The following WDR17 variants were observed in gnomAD, a reference collection of about 807,000 sequenced individuals.
WDR17 encodes the protein WD repeat-containing protein 17.
WDR17 carries 143 observed loss-of-function variants against 161.7 expected under a neutral mutation model. The ratio of observed to expected loss-of-function variants is 0.88; its 90% CI spans 0.77 to 1.02. The LOEUF (loss-of-function observed/expected upper bound fraction) is 1.02. WDR17 is among the 50% of genes least tolerant of loss of function. The probability of loss-of-function intolerance (pLI) is 0.00; values close to 1 mark genes in which losing one functional copy is unlikely to be tolerated. For missense variants in WDR17, 1,469 were observed against 1,520.9 expected, an observed-to-expected ratio of 0.97 and a Z score of 0.57; for synonymous variants, 517 against 515.6, an observed-to-expected ratio of 1.00 and a Z score of -0.04.
intron 22 of WDR17, chr4:176,166,027 C>T: frequency 1.7e-6 from 1 of 600,642 alleles, no homozygotes; most frequent in Middle Eastern, 3.2e-4. Flanking sequence ...AATTTTTAAG[C>T]TATAAACAGC....
chr4:176,088,270 A>G (rs1341660566), intron 1 of WDR17, among the ~76,000 whole-genome samples: 3 of 152,204 alleles, frequency 2.0e-5, no homozygotes, highest in Non-Finnish European at 4.4e-5. Context: ...GAAGCACAGT[A>G]TATACTTTGT....
chr4:176,168,927 CAA>C, intron 23 of WDR17, 144 bp downstream of exon 23: 3 of 827,758 alleles, frequency 3.6e-6, no homozygotes, highest in Non-Finnish European at 5.4e-6. Context: ...AAGTGTTGTA[CAA>C]TAGGAAGTAA....
At chr4:176,133,378 TAAAAAAAA>T (rs571544131) in intron 7 of WDR17, among the ~76,000 whole-genome samples, 103 of 72,972 alleles carry the variant, frequency 1.4e-3, no homozygotes, top group African/African-American at 3.9e-3. Flanking sequence ...TCTACTAAGC[TAAAAAAAA>T]AAAAAAAAAA....
intron 1 of WDR17, 167 bp from the exon 2 acceptor site, chr4:176,111,408 T>A: frequency 1.8e-6 from 1 of 543,556 alleles, no homozygotes; most frequent in East Asian, 3.6e-5. Context: ...CTGCAGACAT[T>A]TAGGGAGTTC....
chr4:176,102,525 C>A (rs1462640765), intron 1 of WDR17, among the ~76,000 whole-genome samples: 1 of 152,140 alleles, frequency 6.6e-6, no homozygotes, highest in Non-Finnish European at 1.5e-5. Flanking sequence ...CAGCTGTGTC[C>A]ACACAAAAAG....
At position 176,155,163 on chromosome 4, in the gene WDR17, G is replaced by C. The variant is rs1747861890; in HGVS notation, c.2461-916G>C. 2.6e-5 allele frequency among the ~76,000 whole-genome samples: 4 copies of C among 152,114 alleles called. No homozygotes were observed. In the South Asian group the frequency reaches 8.3e-4, roughly 32 times the overall value. ...ACTCTGGAGTTGTATTAGAATATGAGTCAACATATTTTTCAAAGTACATAT... is the reference window on the plus strand; with the variant it reads ...ACTCTGGAGTTGTATTAGAATATGACTCAACATATTTTTCAAAGTACATAT... On this transcript the variant is annotated intron_variant, in intron 17 of 28. Coordinates refer to ENST00000508596, the MANE Select transcript of WDR17 (RefSeq NM_181265.4).
At chr4:176,130,031 A>G (rs1323936517) in intron 6 of WDR17, among the ~76,000 whole-genome samples, 4 of 152,204 alleles carry the variant, frequency 2.6e-5, no homozygotes, top group African/African-American at 9.6e-5. Flanking sequence ...AAAGAATAAC[A>G]TACCAGTCTT....
At position 176,119,871 on chromosome 4, in the gene WDR17, C is replaced by T; in HGVS notation, c.312C>T (p.Ile104=). The T allele has an allele frequency of 1.2e-6, 2 of 1,613,740 alleles. No homozygotes were observed. The highest frequency in any genetic ancestry group is 8.5e-7 in the Non-Finnish European group (1 of 1,179,690). ...TCTGTATTTAATGTATTCCAGGGAT[C>T]CCTGCTTCTCTTAGTTGGTGCTGGA... ...VIAKLDSTKG[I]PASLSWCWNA... The change falls in exon 4 of 29, where the codon ATC becomes ATT. Residue 104 remains isoleucine (I), a synonymous_variant. Coordinates refer to ENST00000508596, the MANE Select transcript of WDR17 (RefSeq NM_181265.4).
chr4:176,074,370 G>T (rs1419716617), intron 1 of WDR17, among the ~76,000 whole-genome samples: 1 of 98,370 alleles, frequency 1.0e-5, no homozygotes, highest in African/African-American at 3.2e-5. Context: ...TATCTTGAGA[G>T]ATATATATAA....
intron 6 of WDR17, among the ~76,000 whole-genome samples, 178 bp from the exon 7 acceptor site, chr4:176,131,376 T>G (rs1743421510): frequency 6.6e-6 from 1 of 152,104 alleles, no homozygotes; most frequent in Non-Finnish European, 1.5e-5. Context: ...TAATATCCAA[T>G]TTTGTGCTTA....
chr4:176,115,576 A>G (rs1369714063), intron 2 of WDR17, among the ~76,000 whole-genome samples: 2 of 151,810 alleles, frequency 1.3e-5, no homozygotes, highest in Non-Finnish European at 2.9e-5. Flanking sequence ...TTTAAAATGG[A>G]TATGTTTTTA....
intron 7 of WDR17, among the ~76,000 whole-genome samples, chr4:176,133,634 T>G (rs942746150): frequency 6.6e-6 from 1 of 151,600 alleles, no homozygotes; most frequent in Non-Finnish European, 1.5e-5. Context: ...GTTTCAATTT[T>G]CTTAACACAG....
chr4:176,094,881 G>C (rs898451325), intron 1 of WDR17, among the ~76,000 whole-genome samples: 5 of 152,132 alleles, frequency 3.3e-5, no homozygotes, highest in African/African-American at 1.2e-4. Context: ...AATATTTGGG[G>C]TGGTAGAAAG....
intron 17 of WDR17, among the ~76,000 whole-genome samples, chr4:176,152,946 A>G (rs1001956887): frequency 6.6e-6 from 1 of 151,722 alleles, no homozygotes; most frequent in Non-Finnish European, 1.5e-5. Context: ...AAAAAAAAAA[A>G]GGAAGCTTAT....
At chr4:176,127,555 C>A (rs1448040276) in intron 5 of WDR17, among the ~76,000 whole-genome samples, 1 of 152,184 alleles carries the variant, frequency 6.6e-6, no homozygotes, top group Non-Finnish European at 1.5e-5. Context: ...CTCAGCCTCC[C>A]AAAGTGCTGG....
intron 8 of WDR17, among the ~76,000 whole-genome samples, chr4:176,135,612 T>G (rs1208155500): frequency 6.6e-6 from 1 of 151,606 alleles, no homozygotes; most frequent in African/African-American, 2.4e-5. Flanking sequence ...CTGGAAAGTT[T>G]TAATGTAAAT....
intron 1 of WDR17, among the ~76,000 whole-genome samples, chr4:176,084,584 A>C (rs1309532478): frequency 6.6e-6 from 1 of 151,612 alleles, no homozygotes; most frequent in East Asian, 1.9e-4. Flanking sequence ...CCTATATGTC[A>C]ATGTTTTCCC....
rs1016804904 is a variant in WDR17, at chr4:176,065,866, C to A, written c.-220C>A. 6.6e-6 allele frequency: 1 copy of A among 152,172 alleles called. No homozygotes were observed. Among genetic ancestry groups the A allele is most frequent in the Non-Finnish European group, 1.5e-5 (1 of 68,042 alleles). 9.4% of individuals were successfully genotyped at this position (152,172 alleles called of 1,614,324 possible). ...GGGCAGACCCTGGAGATCGGGCTCG[C>A]GGCGCCTTCCATCGTGGCTCCGCGC... On this transcript the variant is annotated 5_prime_UTR_variant, in exon 1 of 29. Transcript: ENST00000508596.
At chr4:176,073,170 T>C (rs777610701) in intron 1 of WDR17, among the ~76,000 whole-genome samples, 50 of 152,248 alleles carry the variant, frequency 3.3e-4, no homozygotes, top group Non-Finnish European at 5.3e-4. Flanking sequence ...TTGTTACATA[T>C]GTATACATGT....
Sources: gnomAD v4.1 joint callset for allele counts (sites outside exome capture counted in the v4.1 genomes callset) on GRCh38, gnomAD v4.1.1 for gene constraint, MANE v1.5 for transcripts, NCBI Gene and HGNC (gene_info 2026-07-23, HGNC 2026-07-21) for gene names.